FAS: variants seen among roughly 807,000 people sequenced by gnomAD.
The protein encoded by FAS is Fas cell surface death receptor, also known as tumor necrosis factor receptor superfamily member 6.
A neutral mutation model predicts 33.2 loss-of-function variants in FAS; 5 were observed. The observed-to-expected ratio is 0.15, with a 90% CI of 0.08 to 0.32. The LOEUF is 0.32. Among genes scored for constraint, FAS ranks in the 10% least tolerant of loss-of-function variants. The probability of loss-of-function intolerance (pLI) is 1.00; values close to 1 mark genes in which losing one functional copy is unlikely to be tolerated. For missense variants in FAS, 339 were observed against 386.0 expected (o/e 0.88, Z 1.02); for synonymous variants, 131 against 130.7 (o/e 1.00, Z -0.01).
chr10:88,992,510 C>A (rs1031082292), intron 1 of FAS: 4 of 151,878 alleles, frequency 2.6e-5, no homozygotes, highest in Non-Finnish European at 5.9e-5. Context: ...GTTTAAAGCC[C>A]GAAGAAAACT....
chr10:89,005,461 A>G (rs1848172491), intron 2 of FAS, among the ~76,000 whole-genome samples: 1 of 152,164 alleles, frequency 6.6e-6, no homozygotes, highest in Admixed American at 6.6e-5. Flanking sequence ...ATTCAATAAG[A>G]AGGATTCTAT....
chr10:88,997,439 A>G (rs1589452954), intron 1 of FAS, among the ~76,000 whole-genome samples: 1 of 152,206 alleles, frequency 6.6e-6, no homozygotes, highest in Non-Finnish European at 1.5e-5. Flanking sequence ...TGTTGCTTCA[A>G]CTACCTCTGT....
rs28362322 is a variant in FAS at position 89,010,797 on chromosome 10, A to G, written c.550A>G (p.Ile184Val). The G allele has an allele frequency of 5.6e-4, 903 of 1,614,078 alleles. 4 individuals are homozygous for G. In the African/African-American group the frequency reaches 0.01, roughly 18 times the overall value. Residue 184 changes from isoleucine to valine, a missense_variant, in exon 6 of 9, where the codon ATT (isoleucine) becomes GTT (valine). Physicochemically the swap from Ile to Val is conservative, Grantham distance 29. Transcript: ENST00000652046. ...LGWLCLLLLP[I>V]PLIVWVKRKE... ...GTGGCTTTGTCTTCTTCTTTTGCCA[A>G]TTCCACTAATTGTTTGGGGTAAGTT...
chr10:88,985,361 T>A (rs1417493470), upstream of FAS, among the ~76,000 whole-genome samples: 1 of 152,186 alleles, frequency 6.6e-6, no homozygotes, highest in Non-Finnish European at 1.5e-5. Flanking sequence ...ATTATCCAAA[T>A]CAAAACTCTT....
intron 1 of FAS, among the ~76,000 whole-genome samples, chr10:88,993,527 T>C (rs1847398433): frequency 6.6e-6 from 1 of 152,190 alleles, no homozygotes; most frequent in Non-Finnish European, 1.5e-5. Flanking sequence ...AGGCAATCAC[T>C]GGACAGCCAG....
intron 2 of FAS, chr10:88,975,140 T>G (rs180898607): frequency 1.7e-4 from 24 of 141,040 alleles, no homozygotes; most frequent in Admixed American, 7.8e-4. Flanking sequence ...GAAACCAGAA[T>G]GCTGTCAACG....
At chr10:89,012,132 T>G (rs1373116140) in intron 7 of FAS, 51 bp downstream of exon 7, 1 of 1,490,218 alleles carries the variant, frequency 6.7e-7, no homozygotes, top group Non-Finnish European at 9.4e-7. Context: ...AATAGAGAAA[T>G]TAGTGATTTG....
intron 3 of FAS, 132 bp downstream of exon 3, chr10:89,007,969 A>T: frequency 7.2e-7 from 1 of 1,396,080 alleles, no homozygotes; most frequent in African/African-American, 1.4e-5. Flanking sequence ...ACAGGTGGCT[A>T]GGGTACCGCA....
intron 1 of FAS, among the ~76,000 whole-genome samples, chr10:89,000,788 T>C (rs1221373405): frequency 6.6e-6 from 1 of 152,232 alleles, no homozygotes; most frequent in Non-Finnish European, 1.5e-5. Context: ...GGCTCATGCC[T>C]GTAATCCCAG....
At chr10:88,974,955 T>C (rs1478910302) in intron 2 of FAS, 1 of 152,232 alleles carries the variant, frequency 6.6e-6, no homozygotes, top group East Asian at 1.9e-4. Context: ...GCCATTTACT[T>C]CACCTCTCAA....
At chr10:89,009,273 T>A (rs1319587419) in intron 4 of FAS, among the ~76,000 whole-genome samples, 1 of 152,240 alleles carries the variant, frequency 6.6e-6, no homozygotes, top group Non-Finnish European at 1.5e-5. Flanking sequence ...CAATGGTTAT[T>A]GTGTTTCAAC....
chr10:89,010,771 G>A lies in FAS; in HGVS notation c.524G>A (p.Gly175Glu), dbSNP rs752208395. The A allele has an allele frequency of 4.3e-6, 7 of 1,613,876 alleles. No homozygotes were observed. The highest frequency in any genetic ancestry group is 1.7e-5 in the Admixed American group (1 of 60,002). Residue 175 changes from glycine to glutamate, a missense_variant, in exon 6 of 9, where the codon GGG (glycine) becomes GAG (glutamate). Gly to Glu is a moderately conservative substitution (Grantham distance 98). Around this residue, in one of 3 missense-constraint regions of FAS, gnomAD observed 276 missense variants for 300.1 expected, o/e 0.92. Coordinates refer to ENST00000652046, the MANE Select transcript of FAS (RefSeq NM_000043.6). The part of the protein sequence containing the change: ...CKEEGSRSNL[G>E]WLCLLLLPIP... ...CCTACAGGATCCAGATCTAACTTGG[G>A]GTGGCTTTGTCTTCTTCTTTTGCCA...
intron 5 of FAS, 42 bp downstream of exon 5, chr10:89,010,642 C>T: frequency 6.2e-7 from 1 of 1,607,098 alleles, no homozygotes; most frequent in Non-Finnish European, 8.5e-7. Flanking sequence ...TCCCCCAACC[C>T]CATGGAAAGA....
intron 1 of FAS, among the ~76,000 whole-genome samples, chr10:88,999,236 T>TG (rs1847795192): frequency 6.6e-6 from 1 of 152,108 alleles, no homozygotes; most frequent in South Asian, 2.1e-4. Flanking sequence ...AGTACCCCTC[T>TG]GCCTTCTGTT....
chr10:88,995,786 A>G (rs1472222280), intron 1 of FAS, among the ~76,000 whole-genome samples: 1 of 152,202 alleles, frequency 6.6e-6, no homozygotes, highest in Non-Finnish European at 1.5e-5. Flanking sequence ...AGATCATGCC[A>G]CTGCACTCCA....
At chr10:88,987,593 A>G (rs949229530), upstream of FAS, among the ~76,000 whole-genome samples, 2 of 152,200 alleles carry the variant, frequency 1.3e-5, no homozygotes, top group African/African-American at 4.8e-5. Context: ...TTCAAATCCA[A>G]TGAAAAAGAA....
At chr10:88,970,129 A>T (rs1356622288) in intron 1 of FAS, among the ~76,000 whole-genome samples, 3 of 152,184 alleles carry the variant, frequency 2.0e-5, no homozygotes, top group Non-Finnish European at 4.4e-5. Context: ...TTAATGTTAA[A>T]ATTCAGGATA....
chr10:88,987,454 T>C (rs965194401), upstream of FAS, among the ~76,000 whole-genome samples: 2 of 152,218 alleles, frequency 1.3e-5, no homozygotes, highest in Non-Finnish European at 2.9e-5. Flanking sequence ...CTACCAACCT[T>C]GATCTTTCAG....
At chr10:88,979,406 A>G (rs1158770606) in intron 2 of FAS, among the ~76,000 whole-genome samples, 1 of 152,186 alleles carries the variant, frequency 6.6e-6, no homozygotes, top group Non-Finnish European at 1.5e-5. Flanking sequence ...CACAAGGAGA[A>G]GATGCCAGCA....
Sources: gnomAD v4.1 joint callset for allele counts (sites outside exome capture counted in the v4.1 genomes callset) on GRCh38, gnomAD v4.1.1 for gene constraint, gnomAD v4.1.1 regional missense constraint, MANE v1.5 for transcripts, NCBI Gene and HGNC (gene_info 2026-07-23, HGNC 2026-07-21) for gene names.